Variants in MAP4K3 observed in about 807,000 individuals in gnomAD.
MAP4K3 encodes mitogen-activated protein kinase kinase kinase kinase 3.
A neutral mutation model predicts 143.5 loss-of-function variants in MAP4K3; 94 were observed. The observed-to-expected ratio is 0.65, with a 90% CI of 0.55 to 0.78. MAP4K3 has a LOEUF of 0.78. MAP4K3 is among the 30% of genes least tolerant of loss of function. The pLI is 0.00. For missense variants in MAP4K3, 1,077 were observed against 1,068.1 expected, an observed-to-expected ratio of 1.01 and a Z score of -0.12; for synonymous variants, 416 against 347.2, an observed-to-expected ratio of 1.20 and a Z score of -2.20.
intron 3 of MAP4K3, among the ~76,000 whole-genome samples, chr2:39,352,201 G>C (rs1205968752): frequency 6.6e-6 from 1 of 152,100 alleles, no homozygotes; most frequent in South Asian, 2.1e-4. Flanking sequence ...TGAGACAGAA[G>C]AATCTCTAGA....
intron 16 of MAP4K3, among the ~76,000 whole-genome samples, chr2:39,293,576 C>T (rs1682145035): frequency 1.3e-5 from 2 of 152,102 alleles, no homozygotes; most frequent in African/African-American, 4.8e-5. Context: ...CACAACAGTA[C>T]TGACAAAACA....
At position 39,352,431 on chromosome 2, in the gene MAP4K3, T is replaced by C. The variant is rs557872823; in HGVS notation, c.245+3818A>G. On this transcript the variant is annotated intron_variant, in intron 3 of 33. Coordinates refer to ENST00000263881, the MANE Select transcript of MAP4K3 (RefSeq NM_003618.4). ...GGAATGCTTAGAAGGAACCTGAAATTAATTTAAACTCATCTTTAGTTTAAA... is the reference window on the plus strand; with the variant it reads ...GGAATGCTTAGAAGGAACCTGAAATCAATTTAAACTCATCTTTAGTTTAAA... Among the ~76,000 whole-genome samples, 9 of 152,336 alleles carry C rather than the reference T, an allele frequency of 5.9e-5. No homozygotes were observed. The East Asian group carries it at 1.7e-3, about 29-fold the overall frequency.
At chr2:39,364,863 C>T (rs1386216466) in intron 2 of MAP4K3, among the ~76,000 whole-genome samples, 1 of 66,448 alleles carries the variant, frequency 1.5e-5, no homozygotes. Context: ...GAAACTCTGT[C>T]TCAAAAAAAA....
rs532459272 is a variant in MAP4K3, at chr2:39,435,312, C to T, written c.96+1580G>A. ...TCTGCTTAAAAGCCTGCAATAGTTC[C>T]CCATTGTCCTAAACAAGTCCGATCT... On this transcript the variant is annotated intron_variant, in intron 1 of 33. Transcript: ENST00000263881. Among the ~76,000 whole-genome samples, 13 of 152,238 alleles carry T rather than the reference C, an allele frequency of 8.5e-5. No individual in the cohort carries two copies. In the East Asian group the frequency reaches 2.5e-3, roughly 29 times the overall value.
intron 2 of MAP4K3, among the ~76,000 whole-genome samples, chr2:39,376,206 T>C (rs1052492516): frequency 6.6e-6 from 1 of 152,194 alleles, no homozygotes; most frequent in Non-Finnish European, 1.5e-5. Context: ...ATTACACTTT[T>C]TGAGTATTTA....
chr2:39,391,999 G>A (rs1213823557), intron 1 of MAP4K3, among the ~76,000 whole-genome samples: 3 of 151,848 alleles, frequency 2.0e-5, no homozygotes, highest in Non-Finnish European at 2.9e-5. Context: ...TGGCCAACAC[G>A]GTGAAACTCC....
chr2:39,300,406 T>C (rs1404398549), intron 15 of MAP4K3, among the ~76,000 whole-genome samples: 1 of 152,224 alleles, frequency 6.6e-6, no homozygotes, highest in Non-Finnish European at 1.5e-5. Context: ...TTTAAACACC[T>C]TCCGACTTAA....
At chr2:39,325,374 A>G (rs1683452229) in intron 12 of MAP4K3, 144 bp downstream of exon 12, 1 of 491,766 alleles carries the variant, frequency 2.0e-6, no homozygotes. Flanking sequence ...GCAAAGACAA[A>G]GAATTAATTG....
At chr2:39,380,431 T>C (rs1389818649) in intron 1 of MAP4K3, among the ~76,000 whole-genome samples, 2 of 152,182 alleles carry the variant, frequency 1.3e-5, no homozygotes, top group African/African-American at 2.4e-5. Flanking sequence ...AAAGTCAATA[T>C]TATCTCTAAC....
chr2:39,329,551 T>C (rs1683615750), intron 8 of MAP4K3, among the ~76,000 whole-genome samples: 1 of 151,896 alleles, frequency 6.6e-6, no homozygotes, highest in African/African-American at 2.4e-5. Flanking sequence ...AATAGTAGGG[T>C]TGAGGTTGGG....
intron 15 of MAP4K3, among the ~76,000 whole-genome samples, chr2:39,307,579 A>G (rs1185031070): frequency 6.6e-6 from 1 of 151,790 alleles, no homozygotes; most frequent in East Asian, 1.9e-4. Flanking sequence ...TGAATTGTTT[A>G]TATATATACA....
Position 39,421,125 on chromosome 2 carries a change from T to G in MAP4K3, c.96+15767A>C, listed in dbSNP as rs145616930. Among the ~76,000 whole-genome samples, 7 of 152,344 alleles carry G rather than the reference T, an allele frequency of 4.6e-5. No individual in the cohort carries two copies. In the East Asian group the frequency reaches 1.3e-3, roughly 29 times the overall value. ...ATCCATCTCTCACAGGACTAAGAAG[T>G]GGTCCCTGCCATCAAGTAGCTCACT... On this transcript the variant is annotated intron_variant, in intron 1 of 33. Coordinates refer to ENST00000263881, the MANE Select transcript of MAP4K3 (RefSeq NM_003618.4).
At chr2:39,262,605 C>G (rs1558606558) in intron 28 of MAP4K3, among the ~76,000 whole-genome samples, 3 of 151,912 alleles carry the variant, frequency 2.0e-5, no homozygotes, top group Non-Finnish European at 4.4e-5. Flanking sequence ...ACATTGCTTC[C>G]AATAATAACT....
chr2:39,270,716 C>T (rs1680980663), intron 26 of MAP4K3, among the ~76,000 whole-genome samples: 1 of 152,004 alleles, frequency 6.6e-6, no homozygotes, highest in Admixed American at 6.6e-5. Flanking sequence ...CAATGAGTAC[C>T]TATCTTCAGA....
intron 24 of MAP4K3, 68 bp from the exon 25 acceptor site, chr2:39,272,610 A>C (rs949930318): frequency 8.0e-7 from 1 of 1,250,768 alleles, no homozygotes; most frequent in African/African-American, 1.5e-5. Flanking sequence ...TGTACACAGT[A>C]ATCACGTAAG....
intron 13 of MAP4K3, 50 bp downstream of exon 13, chr2:39,315,260 T>C (rs1336971479): frequency 1.6e-6 from 2 of 1,258,350 alleles, no homozygotes; most frequent in Admixed American, 4.3e-5. Context: ...AACTAAATTA[T>C]AACTTATTTT....
intron 2 of MAP4K3, among the ~76,000 whole-genome samples, chr2:39,374,993 G>A (rs1666179253): frequency 6.6e-6 from 1 of 152,174 alleles, no homozygotes. Flanking sequence ...CAGACATAGT[G>A]GCTCATGCTT....
At chr2:39,428,397 G>A (rs1025488169) in intron 1 of MAP4K3, among the ~76,000 whole-genome samples, 6 of 152,198 alleles carry the variant, frequency 3.9e-5, no homozygotes, top group African/African-American at 7.2e-5. Flanking sequence ...CTTTGGGGCC[G>A]GCACAGTGGC....
chr2:39,427,779 G>T (rs550935868), intron 1 of MAP4K3, among the ~76,000 whole-genome samples: 27 of 152,226 alleles, frequency 1.8e-4, no homozygotes, highest in Admixed American at 7.8e-4. Context: ...TGGCCCTAAT[G>T]AATTTGAAAA....
Sources: allele counts gnomAD v4.1 joint callset (sites outside exome capture counted in the v4.1 genomes callset), GRCh38; gene constraint gnomAD v4.1.1; transcripts MANE v1.5; gene names NCBI Gene and HGNC (gene_info 2026-07-23, HGNC 2026-07-21).